RBM41: variants seen among roughly 807,000 people sequenced by gnomAD.
The protein encoded by RBM41 is RNA binding motif protein 41, also known as RNA-binding protein 41.
RBM41 carries 14 observed loss-of-function variants against 30.8 expected under a neutral mutation model. That is an observed-to-expected ratio of 0.45 (90% confidence interval 0.30 to 0.71). The LOEUF (loss-of-function observed/expected upper bound fraction) is 0.71, where lower values mean the gene tolerates loss of function less well. RBM41 is among the 30% of genes least tolerant of loss of function. RBM41 has a pLI of 0.08. For synonymous variants in RBM41, 120 were observed against 110.1 expected (o/e 1.09, Z -0.56); for missense variants, 276 against 326.3 (o/e 0.85, Z 1.19).
chrX:107,100,434 G>A (rs748613593), intron 5 of RBM41, among the ~76,000 whole-genome samples: 1 of 108,932 alleles, frequency 9.2e-6, no homozygotes. Context: ...GGAGGTTGCA[G>A]TGAGCTGAAA....
At chrX:107,092,088 G>C (rs1922589163) in intron 5 of RBM41, among the ~76,000 whole-genome samples, 1 of 111,680 alleles carries the variant, frequency 9.0e-6, no homozygotes, top group Admixed American at 9.5e-5. Flanking sequence ...TCTATGTATT[G>C]TTAAATTTCA....
chrX:107,074,568 G>T (rs1936170599), intron 6 of RBM41, among the ~76,000 whole-genome samples: 1 of 111,973 alleles, frequency 8.9e-6, no homozygotes, highest in Non-Finnish European at 1.9e-5. Flanking sequence ...CAGTGAAGTT[G>T]CAGAATAAAA....
At chrX:107,115,220 T>C in intron 4 of RBM41, 132 bp downstream of exon 4, 2 of 639,385 alleles carry the variant, frequency 3.1e-6, no homozygotes, top group South Asian at 5.4e-5. Context: ...TCTTATGGTA[T>C]TATACATTTC....
intron 1 of RBM41, among the ~76,000 whole-genome samples, chrX:107,117,827 A>G (rs766262796): frequency 1.9e-4 from 21 of 111,825 alleles, no homozygotes; most frequent in Non-Finnish European, 3.0e-4. Context: ...GACACAGTAG[A>G]CTTCTAAGGG....
At position 107,066,697 on chromosome X, in the gene RBM41, C is replaced by G. The variant is rs1341587109; in HGVS notation, c.*830G>C. ...TGTATATTGTTTTTTTATTTTCCAG[C>G]AACCATAAACAAACAACTGGGGGAT... On this transcript the variant is annotated 3_prime_UTR_variant, in exon 8 of 8. Coordinates refer to ENST00000685964, the MANE Select transcript of RBM41 (RefSeq NM_001324242.2). The G allele has an allele frequency of 5.5e-5, 41 of 749,988 alleles. No homozygotes were observed. Among genetic ancestry groups the G allele is most frequent in the Non-Finnish European group, 6.3e-5 (40 of 637,100 alleles). 61.8% of individuals were successfully genotyped at this position (749,988 alleles called of 1,213,427 possible). A position where few individuals can be genotyped will look rare whatever the true frequency, so the allele number is the denominator to read the frequency against.
chrX:107,069,338 C>T lies in RBM41; in HGVS notation c.1064G>A (p.Arg355Gln), dbSNP rs1935960135. The change falls in exon 7 of 8, where the codon CGG becomes CAG. Residue 355 changes from arginine to glutamine, a missense_variant. By Grantham distance (43) the Arg-to-Gln change is conservative. Transcript: ENST00000685964. ...TGGAGGTCCTTTTTTCTCCTGGAAC[C>T]GAGCGAACAATGACACAAGATCTCT... ...TERDLVSLFA[R>Q]FQEKKGPPIQ... The T allele has an allele frequency of 1.7e-6, 2 of 1,207,653 alleles. No individual in the cohort carries two copies. The highest frequency in any genetic ancestry group is 1.1e-6 in the Non-Finnish European group (1 of 893,822).
chrX:107,071,974 A>T (rs903840448), intron 6 of RBM41, among the ~76,000 whole-genome samples: 2 of 111,640 alleles, frequency 1.8e-5, no homozygotes, highest in Non-Finnish European at 3.8e-5. Context: ...CACAGTTGAA[A>T]TGATCATCCA....
chrX:107,054,677 G>A, the RBM41 span, among the ~76,000 whole-genome samples: 1 of 112,092 alleles, frequency 8.9e-6, no homozygotes, highest in Non-Finnish European at 1.9e-5. Context: ...ATAAGCCAGT[G>A]TAGGCTGGAT....
chrX:107,076,456 C>G (rs998466039), intron 6 of RBM41, among the ~76,000 whole-genome samples: 2 of 110,636 alleles, frequency 1.8e-5, no homozygotes, highest in African/African-American at 6.6e-5. Flanking sequence ...GGACTATAGG[C>G]TAAGTGAAAT....
At chrX:107,112,832 A>G (rs1309647610) in intron 5 of RBM41, 1 of 328,265 alleles carries the variant, frequency 3.0e-6, no homozygotes, top group South Asian at 2.7e-5. Context: ...AAAAGATAAA[A>G]CTACAGTGAT....
chrX:107,104,902 G>A (rs1192890410), intron 5 of RBM41, among the ~76,000 whole-genome samples: 1 of 110,943 alleles, frequency 9.0e-6, no homozygotes, highest in South Asian at 3.9e-4. Flanking sequence ...CAGACCCACA[G>A]CCAATATCAT....
Position 107,116,003 on chromosome X carries a change from A to G in RBM41, c.177T>C (p.Phe59=). The G allele has an allele frequency of 8.3e-7, 1 of 1,208,034 alleles. No individual in the cohort carries two copies. The part of the protein sequence containing the change: ...SFAPGTMYKP[F]GKEAAGTMTL... ...TCATAGTCCCAGCTGCTTCCTTCCC[A>G]AAGGGCTTGTACATAGTACCAGGAG... is the stretch of plus-strand genomic sequence containing the variant. The change falls in exon 3 of 8, where the codon TTT becomes TTC. Residue 59 remains phenylalanine (F), a synonymous_variant. Transcript: ENST00000685964.
chrX:107,074,691 GAAGA>G (rs775170712), intron 6 of RBM41, among the ~76,000 whole-genome samples: 1 of 111,619 alleles, frequency 9.0e-6, no homozygotes, highest in Non-Finnish European at 1.9e-5. Flanking sequence ...ATAAAATACT[GAAGA>G]AAGAACTTAA....
At chrX:107,056,695 A>G in the RBM41 span, among the ~76,000 whole-genome samples, 1 of 110,821 alleles carries the variant, frequency 9.0e-6, no homozygotes, top group African/African-American at 3.3e-5. Flanking sequence ...AATCCTTTTT[A>G]TTTTTGTAAG....
intron 1 of RBM41, among the ~76,000 whole-genome samples, chrX:107,118,083 A>G (rs1026745382): frequency 9.0e-6 from 1 of 111,623 alleles, no homozygotes; most frequent in African/African-American, 3.3e-5. Flanking sequence ...TTCTACTTGC[A>G]GAGTGAATCT....
chrX:107,058,250 G>T (rs1352065150), downstream of RBM41, among the ~76,000 whole-genome samples: 1 of 94,149 alleles, frequency 1.1e-5, no homozygotes, highest in Non-Finnish European at 2.0e-5. Context: ...CAGAGATTGC[G>T]CCATTGCACT....
At chrX:107,071,905 C>T (rs1009651546) in intron 6 of RBM41, among the ~76,000 whole-genome samples, 24 of 111,546 alleles carry the variant, frequency 2.2e-4, no homozygotes, top group African/African-American at 7.8e-4. Flanking sequence ...AGCAAATAGG[C>T]AAGAAACAGA....
intron 4 of RBM41, chrX:107,115,084 TCAA>T (rs773600820): frequency 1.1e-4 from 38 of 348,900 alleles, no homozygotes; most frequent in African/African-American, 9.3e-4. Context: ...AGTATAAATG[TCAA>T]CTTCTGACTC....
chrX:107,092,030 C>A (rs1473612946), intron 5 of RBM41, among the ~76,000 whole-genome samples: 1 of 111,598 alleles, frequency 9.0e-6, no homozygotes, highest in Non-Finnish European at 1.9e-5. Context: ...AAAATAGATT[C>A]CCTGAAGTGA....
Sources: gnomAD v4.1 joint callset for allele counts (sites outside exome capture counted in the v4.1 genomes callset) on GRCh38, gnomAD v4.1.1 for gene constraint, MANE v1.5 for transcripts, NCBI Gene and HGNC (gene_info 2026-07-23, HGNC 2026-07-21) for gene names.